The following CERS4 variants were observed in gnomAD, a reference collection of about 807,000 sequenced individuals.
The protein encoded by CERS4 is LAG1 homolog, ceramide synthase 4.
CERS4 carries 65 observed loss-of-function variants against 51.8 expected under a neutral mutation model. The observed-to-expected ratio is 1.26, with a 90% CI of 1.03 to 1.54. The LOEUF (loss-of-function observed/expected upper bound fraction) is 1.54, where lower values mean the gene tolerates loss of function less well. Ranked by LOEUF, CERS4 falls within the 40% of genes most tolerant of loss-of-function variation. The pLI is 0.00. For missense variants in CERS4, 563 were observed against 500.4 expected, an observed-to-expected ratio of 1.13 and a Z score of -1.19; for synonymous variants, 228 against 208.4, an observed-to-expected ratio of 1.09 and a Z score of -0.81.
chr19:8,218,504 G>C (rs1473549222), intron 2 of CERS4, among the ~76,000 whole-genome samples: 1 of 152,194 alleles, frequency 6.6e-6, no homozygotes, highest in African/African-American at 2.4e-5. Context: ...GAGAACCTCG[G>C]AGTCAGGGTG....
At chr19:8,261,348 G>A (rs1197631354) in intron 10 of CERS4, 3 of 281,702 alleles carry the variant, frequency 1.1e-5, no homozygotes, top group African/African-American at 6.5e-5. Context: ...GTAGGCAGTC[G>A]CCTGCTGATG....
chr19:8,256,186 G>A (rs1388368701), intron 6 of CERS4, 50 bp from the exon 7 acceptor site: 1 of 1,569,686 alleles, frequency 6.4e-7, no homozygotes, highest in Non-Finnish European at 8.7e-7. Context: ...GACCCAGGGT[G>A]GGAGGTTGGA....
intron 2 of CERS4, among the ~76,000 whole-genome samples, chr19:8,248,084 C>T (rs1326634965): frequency 1.3e-5 from 2 of 152,132 alleles, no homozygotes; most frequent in Non-Finnish European, 2.9e-5. Context: ...CTTAGAGAGC[C>T]TCTCCTTGAT....
At chr19:8,254,141 T>C (rs113156838) in intron 3 of CERS4, among the ~76,000 whole-genome samples, 5,153 of 151,176 alleles carry the variant, frequency 0.034, 260 homozygotes, top group African/African-American at 0.1. Context: ...GCTAACACAG[T>C]GAAACCCCGT....
intron 2 of CERS4, among the ~76,000 whole-genome samples, chr19:8,215,755 G>A (rs901453317): frequency 2.6e-5 from 4 of 152,146 alleles, no homozygotes; most frequent in African/African-American, 9.7e-5. Flanking sequence ...AACTGGGAGG[G>A]GGCATCCCTT....
At chr19:8,214,284 C>G (rs1967199790) in intron 2 of CERS4, 1 of 152,394 alleles carries the variant, frequency 6.6e-6, no homozygotes, top group Non-Finnish European at 1.5e-5. Flanking sequence ...GTTCATTCAG[C>G]ACAGACTTAG....
intron 2 of CERS4, among the ~76,000 whole-genome samples, chr19:8,246,231 T>C (rs1441395228): frequency 6.6e-6 from 1 of 152,092 alleles, no homozygotes; most frequent in Admixed American, 6.6e-5. Context: ...GTCAGGTACA[T>C]AGTTTTGTCC....
chr19:8,236,952 G>A (rs1222217311), intron 2 of CERS4, among the ~76,000 whole-genome samples: 5 of 121,710 alleles, frequency 4.1e-5, no homozygotes, highest in Non-Finnish European at 6.4e-5. Flanking sequence ...GCAGTGAACT[G>A]AGATCAGGCC....
intron 2 of CERS4, among the ~76,000 whole-genome samples, chr19:8,224,390 G>C (rs1049917539): frequency 2.1e-5 from 3 of 145,242 alleles, no homozygotes; most frequent in Non-Finnish European, 4.5e-5. Flanking sequence ...CTGGGTGACA[G>C]AGCGAGACTC....
At chr19:8,235,507 G>A (rs186428379) in intron 2 of CERS4, among the ~76,000 whole-genome samples, 5 of 151,508 alleles carry the variant, frequency 3.3e-5, no homozygotes, top group South Asian at 2.1e-4. Flanking sequence ...TTGGGAGGCC[G>A]AGGGAGGTGG....
At chr19:8,260,073 G>A (rs960135226) in intron 10 of CERS4, among the ~76,000 whole-genome samples, 2 of 152,074 alleles carry the variant, frequency 1.3e-5, no homozygotes, top group African/African-American at 4.8e-5. Context: ...CAGGGAGGAG[G>A]GAGGGCTGCT....
chr19:8,256,772 G>GT, intron 8 of CERS4, 62 bp downstream of exon 8: 3 of 1,580,926 alleles, frequency 1.9e-6, no homozygotes, highest in Non-Finnish European at 2.6e-6. Flanking sequence ...GTGCTGGGGG[G>GT]TAGGGCAGCC....
chr19:8,249,856 T>C (rs563231546), intron 2 of CERS4, among the ~76,000 whole-genome samples: 65 of 152,134 alleles, frequency 4.3e-4, no homozygotes, highest in Admixed American at 2.0e-3. Context: ...CCCAAAGTGC[T>C]GGGATTACAG....
intron 2 of CERS4, among the ~76,000 whole-genome samples, chr19:8,219,518 A>T (rs1344601505): frequency 6.6e-6 from 1 of 152,036 alleles, no homozygotes; most frequent in African/African-American, 2.4e-5. Context: ...TATATATTTT[A>T]AAATTAGCTG....
At chr19:8,244,330 T>C (rs549891209) in intron 2 of CERS4, among the ~76,000 whole-genome samples, 2 of 152,360 alleles carry the variant, frequency 1.3e-5, no homozygotes, top group East Asian at 3.9e-4. Context: ...CATTCCAGCC[T>C]GGAAGACAGA....
rs560224547 is a variant in CERS4, at chr19:8,210,336, G to A, written c.-158-370G>A. On this transcript the variant is annotated intron_variant, in intron 1 of 11. Transcript: ENST00000251363. This position sits in a 1 kb window ranked among gnomAD's most constrained non-coding sequence, Gnocchi z 4.2. Reference sequence around the variant, plus strand: ...GGTGAACTGAAAATTCGCTTTGGCAGAGTAACATCGTCTAATTCTGTCTGT... The same window carrying A: ...GGTGAACTGAAAATTCGCTTTGGCAAAGTAACATCGTCTAATTCTGTCTGT... 6.1e-4 allele frequency among the ~76,000 whole-genome samples: 93 copies of A among 152,348 alleles called. 2 individuals are homozygous for A. The South Asian group carries it at 0.019, about 32-fold the overall frequency.
intron 2 of CERS4, among the ~76,000 whole-genome samples, chr19:8,224,362 G>T (rs1213662407): frequency 6.7e-6 from 1 of 148,300 alleles, no homozygotes; most frequent in Non-Finnish European, 1.5e-5. Context: ...AGTAGAGATT[G>T]TGCCACTGCA....
intron 4 of CERS4, among the ~76,000 whole-genome samples, chr19:8,254,828 C>G (rs950329171): frequency 7.2e-5 from 11 of 152,014 alleles, no homozygotes; most frequent in Admixed American, 3.9e-4. Flanking sequence ...CTCCCAGCAT[C>G]CCTGGGACAT....
chr19:8,257,182 C>T, intron 9 of CERS4, 105 bp downstream of exon 9: 1 of 1,243,870 alleles, frequency 8.0e-7, no homozygotes. Context: ...GAGATGGAGC[C>T]CCACCCCTCC....
Sources: gnomAD v4.1 joint callset for allele counts (sites outside exome capture counted in the v4.1 genomes callset) on GRCh38, gnomAD v4.1.1 for gene constraint, Gnocchi (gnomAD v3.1) non-coding constraint, MANE v1.5 for transcripts, NCBI Gene and HGNC (gene_info 2026-07-23, HGNC 2026-07-21) for gene names.